The following NUP210L variants were observed in gnomAD, a reference collection of about 807,000 sequenced individuals.
NUP210L encodes nucleoporin 210 like.
Under a neutral mutation model 208.5 loss-of-function variants are expected in NUP210L, and 74 were observed. The observed-to-expected ratio is 0.35, with a 90% CI of 0.29 to 0.43. The LOEUF (loss-of-function observed/expected upper bound fraction) is 0.43. Ranked by LOEUF, NUP210L falls within the 20% of genes least tolerant of loss-of-function variation. The pLI is 1.00. For missense variants in NUP210L, 1,843 were observed against 2,289.4 expected, an observed-to-expected ratio of 0.81 and a Z score of 3.98; for synonymous variants, 780 against 816.9, an observed-to-expected ratio of 0.95 and a Z score of 0.77.
intron 31 of NUP210L, 89 bp from the exon 32 acceptor site, chr1:154,022,432 C>T: frequency 9.8e-7 from 1 of 1,021,318 alleles, no homozygotes; most frequent in Non-Finnish European, 1.5e-6. Context: ...ATTTTATATT[C>T]AACAGCTCAG....
intron 12 of NUP210L, among the ~76,000 whole-genome samples, chr1:154,106,825 G>C (rs1283175889): frequency 6.6e-6 from 1 of 152,248 alleles, no homozygotes; most frequent in Admixed American, 6.5e-5. Flanking sequence ...GCCCAACGCA[G>C]ATATGTACTG....
At chr1:154,069,832 A>G (rs534714460) in intron 17 of NUP210L, among the ~76,000 whole-genome samples, 2 of 152,346 alleles carry the variant, frequency 1.3e-5, no homozygotes, top group Non-Finnish European at 2.9e-5. Flanking sequence ...CTGGATTAAG[A>G]AAATGTGGCA....
chr1:154,024,046 C>T (rs1307632801), intron 30 of NUP210L, among the ~76,000 whole-genome samples: 1 of 151,806 alleles, frequency 6.6e-6, no homozygotes, highest in African/African-American at 2.4e-5. Flanking sequence ...GGCTCGGCCT[C>T]CCAAAGTGCT....
At chr1:154,074,287 G>A (rs1179056106) in intron 16 of NUP210L, among the ~76,000 whole-genome samples, 1 of 151,974 alleles carries the variant, frequency 6.6e-6, no homozygotes, top group Non-Finnish European at 1.5e-5. Context: ...TTATTACAAG[G>A]AGGATTACAA....
At chr1:154,067,631 A>G (rs1571232658) in intron 17 of NUP210L, among the ~76,000 whole-genome samples, 4 of 152,204 alleles carry the variant, frequency 2.6e-5, no homozygotes, top group Admixed American at 2.6e-4. Flanking sequence ...AGGATATTCA[A>G]TTAGGAAAAG....
At chr1:154,054,639 T>G (rs1204825848) in intron 24 of NUP210L, 131 bp downstream of exon 24, 2 of 783,502 alleles carry the variant, frequency 2.6e-6, no homozygotes, top group Non-Finnish European at 4.2e-6. Flanking sequence ...CTAATCTTGT[T>G]CTTTATCAGA....
intron 2 of NUP210L, 81 bp downstream of exon 2, chr1:154,152,655 T>C (rs551841543): frequency 3.2e-6 from 4 of 1,257,640 alleles, no homozygotes; most frequent in Non-Finnish European, 4.5e-6. Flanking sequence ...GCCAACACCA[T>C]TTGTGTTAAC....
chr1:154,018,372 A>T (rs1484028474), intron 33 of NUP210L, among the ~76,000 whole-genome samples: 1 of 152,120 alleles, frequency 6.6e-6, no homozygotes, highest in Non-Finnish European at 1.5e-5. Context: ...CAACATATCC[A>T]GTTGACATTT....
At chr1:154,142,718 C>T (rs1036889900) in intron 3 of NUP210L, among the ~76,000 whole-genome samples, 1 of 151,656 alleles carries the variant, frequency 6.6e-6, no homozygotes, top group Non-Finnish European at 1.5e-5. Flanking sequence ...TGGTGAAACC[C>T]GTCTCTATTA....
chr1:154,093,727 C>T (rs1166115985), intron 15 of NUP210L, among the ~76,000 whole-genome samples: 1 of 152,220 alleles, frequency 6.6e-6, no homozygotes, highest in Non-Finnish European at 1.5e-5. Context: ...TGCTGGTTAG[C>T]TGTGCTGTTT....
At chr1:154,080,552 C>T (rs1473003043) in intron 16 of NUP210L, among the ~76,000 whole-genome samples, 1 of 151,140 alleles carries the variant, frequency 6.6e-6, no homozygotes, top group Non-Finnish European at 1.5e-5. Flanking sequence ...AGCACGGTGG[C>T]GTGCACCTGT....
At chr1:154,013,318 A>G (rs1651054310) in intron 33 of NUP210L, among the ~76,000 whole-genome samples, 1 of 152,174 alleles carries the variant, frequency 6.6e-6, no homozygotes, top group South Asian at 2.1e-4. Flanking sequence ...TCATGCCTGT[A>G]ATCCCAGCAC....
intron 12 of NUP210L, among the ~76,000 whole-genome samples, chr1:154,110,135 T>C (rs1656969913): frequency 6.7e-6 from 1 of 149,210 alleles, no homozygotes; most frequent in Non-Finnish European, 1.5e-5. Flanking sequence ...CTCAGGAGGC[T>C]GAGGCAGGAG....
At chr1:154,008,931 A>T (rs893011633) in intron 35 of NUP210L, among the ~76,000 whole-genome samples, 6 of 148,790 alleles carry the variant, frequency 4.0e-5, no homozygotes, top group African/African-American at 1.2e-4. Context: ...TTTTTTTGAG[A>T]TGAAGTCTTG....
chr1:154,001,877 C>T (rs376129972), exon 36 of NUP210L: 10 of 1,614,024 alleles, frequency 6.2e-6, no homozygotes, highest in East Asian at 4.5e-5. Flanking sequence ...ATTCTTGCTA[C>T]GTTCACTGAC....
At chr1:154,022,579 C>T (rs1293141579) in intron 31 of NUP210L, among the ~76,000 whole-genome samples, 1 of 151,280 alleles carries the variant, frequency 6.6e-6, no homozygotes, top group Non-Finnish European at 1.5e-5. Flanking sequence ...CTCCAGTTAG[C>T]TCCCTATGGA....
chr1:154,023,074 T>C (rs2147929704), intron 31 of NUP210L, 48 bp downstream of exon 31: 1 of 1,503,648 alleles, frequency 6.7e-7, no homozygotes, highest in Non-Finnish European at 9.2e-7. Flanking sequence ...TAGCCTAATA[T>C]GCAAGATTTC....
At chr1:154,125,972 T>G (rs996156771) in intron 10 of NUP210L, among the ~76,000 whole-genome samples, 32 of 150,562 alleles carry the variant, frequency 2.1e-4, no homozygotes, top group African/African-American at 7.5e-4. Context: ...GTTTCACCGT[T>G]TTAGCCGGGA....
rs1165820312 is a variant in NUP210L at position 154,055,149 on chromosome 1, T to C, written c.3241-317A>G. On this transcript the variant is annotated intron_variant, in intron 23 of 39. Coordinates refer to ENST00000368559, the Ensembl canonical transcript of NUP210L. Reference sequence around the variant, plus strand: ...TTTCTTTCTTTCTTTCTTTCTTTCTTTCTTTCTTTCTTTCTTTCTTTCTTT... The same window carrying C: ...TTTCTTTCTTTCTTTCTTTCTTTCTCTCTTTCTTTCTTTCTTTCTTTCTTT... Among the ~76,000 whole-genome samples the C allele has an allele frequency of 3.7e-3, 360 of 96,228 alleles. 3 individuals carry two copies. Among genetic ancestry groups the C allele is most frequent in the East Asian group, 0.015 (44 of 3,010 alleles). 63.1% of individuals were successfully genotyped at this position (96,228 alleles called of 152,430 possible).
Sources: gnomAD v4.1 joint callset for allele counts (sites outside exome capture counted in the v4.1 genomes callset) on GRCh38, gnomAD v4.1.1 for gene constraint, MANE v1.5 for transcripts, NCBI Gene and HGNC (gene_info 2026-07-23, HGNC 2026-07-21) for gene names.